Variants in MAST4 observed in about 807,000 individuals in gnomAD.
MAST4 encodes microtubule associated serine/threonine kinase family member 4, also known as microtubule-associated serine/threonine-protein kinase 4.
MAST4 carries 89 observed loss-of-function variants against 162.7 expected under a neutral mutation model. The ratio of observed to expected loss-of-function variants is 0.55; its 90% CI spans 0.46 to 0.65. The LOEUF is 0.65. Among genes scored for constraint, MAST4 ranks in the 30% least tolerant of loss-of-function variants. The probability of loss-of-function intolerance (pLI) is 0.00; values close to 1 mark genes in which losing one functional copy is unlikely to be tolerated. For synonymous variants in MAST4, 1,479 were observed against 1,361.1 expected, an observed-to-expected ratio of 1.09 and a Z score of -1.91; for missense variants, 3,153 against 3,374.0, an observed-to-expected ratio of 0.93 and a Z score of 1.62.
chr5:66,642,882 G>A (rs1276978123), intron 1 of MAST4, among the ~76,000 whole-genome samples: 2 of 152,120 alleles, frequency 1.3e-5, no homozygotes, highest in Non-Finnish European at 2.9e-5. Flanking sequence ...TAATACCCTG[G>A]ACTGTTATTT....
chr5:67,156,669 G>A (rs1275567677), intron 26 of MAST4, among the ~76,000 whole-genome samples: 2 of 152,202 alleles, frequency 1.3e-5, no homozygotes, highest in Non-Finnish European at 2.9e-5. Context: ...AGGTTTATGA[G>A]GTATACAAGT....
At chr5:67,081,247 A>G (rs1395614652) in intron 5 of MAST4, among the ~76,000 whole-genome samples, 1 of 150,586 alleles carries the variant, frequency 6.6e-6, no homozygotes, top group Non-Finnish European at 1.5e-5. Flanking sequence ...TAGCAATAGG[A>G]TTTGGGGTGG....
intron 4 of MAST4, among the ~76,000 whole-genome samples, chr5:67,008,238 A>G (rs1445244135): frequency 2.6e-5 from 4 of 152,232 alleles, no homozygotes; most frequent in Non-Finnish European, 5.9e-5. Flanking sequence ...TTGTTGCTTT[A>G]GACTGAAGTA....
intron 3 of MAST4, among the ~76,000 whole-genome samples, chr5:66,864,488 A>G (rs1042785051): frequency 2.0e-5 from 3 of 152,124 alleles, no homozygotes; most frequent in African/African-American, 7.2e-5. Context: ...CAGGGGAGGT[A>G]TGGGAGGAAA....
At chr5:66,986,534 T>A (rs1749517411) in intron 4 of MAST4, 1 of 1,463,862 alleles carries the variant, frequency 6.8e-7, no homozygotes, top group Non-Finnish European at 9.2e-7. Context: ...TATTGTTTCC[T>A]TTCCAGTACT....
intron 4 of MAST4, among the ~76,000 whole-genome samples, chr5:66,929,659 C>T (rs976883779): frequency 1.3e-5 from 2 of 152,208 alleles, no homozygotes; most frequent in African/African-American, 4.8e-5. Context: ...AGTTATGTTA[C>T]TATCTGCTGG....
rs1770873654 is a variant in MAST4 at position 67,144,895 on chromosome 5, C to T, written c.2858+99C>T. ...AGAATACCTGGGGGGCTTGTTAAAA[C>T]ACAGATCTCCCACTTCCAGAGTTTC... On this transcript the variant is annotated intron_variant, in intron 22 of 28. Coordinates refer to ENST00000403625, the MANE Select transcript of MAST4 (RefSeq NM_001164664.2). 8.7e-6 allele frequency: 12 copies of T among 1,373,678 alleles called. No individual in the cohort carries two copies. In the South Asian group the frequency reaches 1.6e-4, roughly 18 times the overall value. The allele number at this position is 1,373,678 out of a possible 1,614,324, so 85.1% of individuals were successfully genotyped here. A position where few individuals can be genotyped will look rare whatever the true frequency, so the allele number is the denominator to read the frequency against.
chr5:67,134,717 T>C (rs1769402310), intron 18 of MAST4, 29 bp downstream of exon 18: 1 of 1,580,742 alleles, frequency 6.3e-7, no homozygotes, highest in African/African-American at 1.3e-5. Context: ...TATCTTTAGG[T>C]CACTGTTGGG....
intron 4 of MAST4, among the ~76,000 whole-genome samples, chr5:67,008,951 A>T (rs1026649207): frequency 6.6e-6 from 1 of 152,184 alleles, no homozygotes; most frequent in Admixed American, 6.5e-5. Context: ...ATATGTCATG[A>T]CTATGAGAAC....
chr5:66,836,360 T>C (rs1757969108), intron 3 of MAST4, among the ~76,000 whole-genome samples: 1 of 152,194 alleles, frequency 6.6e-6, no homozygotes, highest in South Asian at 2.1e-4. Context: ...CATAAATTAG[T>C]TCGGCCACTG....
intron 1 of MAST4, among the ~76,000 whole-genome samples, chr5:66,621,602 A>T (rs80123923): frequency 0.032 from 4,870 of 152,194 alleles, 244 homozygotes; most frequent in African/African-American, 0.11. Context: ...TGCATATTTC[A>T]CAATAAAAAT....
At chr5:66,831,314 G>A (rs1757580387) in intron 3 of MAST4, among the ~76,000 whole-genome samples, 1 of 152,118 alleles carries the variant, frequency 6.6e-6, no homozygotes, top group South Asian at 2.1e-4. Context: ...TAATATAGGG[G>A]AGTTTACATT....
chr5:67,069,510 GGGTTAGCT>G (rs1760669623), intron 5 of MAST4, among the ~76,000 whole-genome samples: 1 of 151,882 alleles, frequency 6.6e-6, no homozygotes, highest in Non-Finnish European at 1.5e-5. Context: ...ATAAAAGAAT[GGGTTAGCT>G]GGTTGGGCCC....
At chr5:67,049,009 A>ACATATATACG (rs1561576044) in intron 4 of MAST4, among the ~76,000 whole-genome samples, 3 of 125,430 alleles carry the variant, frequency 2.4e-5, no homozygotes, top group African/African-American at 9.5e-5. Flanking sequence ...ATACACACAC[A>ACATATATACG]TATATATATA....
At chr5:67,087,162 C>G (rs1763330506) in intron 5 of MAST4, among the ~76,000 whole-genome samples, 1 of 152,142 alleles carries the variant, frequency 6.6e-6, no homozygotes, top group Non-Finnish European at 1.5e-5. Flanking sequence ...GACTCCATTT[C>G]TCTCCCAAAA....
chr5:66,617,755 T>G (rs996091639), intron 1 of MAST4, among the ~76,000 whole-genome samples: 1 of 152,140 alleles, frequency 6.6e-6, no homozygotes, highest in African/African-American at 2.4e-5. Context: ...CTCCGCATGG[T>G]ACCCACTTGA....
At chr5:66,784,467 C>G (rs188982482) in intron 2 of MAST4, among the ~76,000 whole-genome samples, 249 of 152,232 alleles carry the variant, frequency 1.6e-3, no homozygotes, top group African/African-American at 5.5e-3. Flanking sequence ...ATTTACACTT[C>G]TAAGTTGAAG....
intron 3 of MAST4, among the ~76,000 whole-genome samples, chr5:66,885,004 C>T (rs960447278): frequency 7.9e-5 from 12 of 152,164 alleles, no homozygotes; most frequent in African/African-American, 2.7e-4. Context: ...AGTCCTGCTT[C>T]GACGGAGTGT....
At chr5:66,708,398 G>T (rs1392916626) in intron 1 of MAST4, among the ~76,000 whole-genome samples, 3 of 152,180 alleles carry the variant, frequency 2.0e-5, no homozygotes, top group African/African-American at 4.8e-5. Flanking sequence ...TCTAGGTCAT[G>T]TTGAATTTTG....
Sources: allele counts gnomAD v4.1 joint callset (sites outside exome capture counted in the v4.1 genomes callset), GRCh38; gene constraint gnomAD v4.1.1; transcripts MANE v1.5; gene names NCBI Gene and HGNC (gene_info 2026-07-23, HGNC 2026-07-21).